ZBTB7C: variants seen among roughly 807,000 people sequenced by gnomAD.
ZBTB7C encodes the protein zinc finger and BTB domain containing 7C.
Under a neutral mutation model 25.7 loss-of-function variants are expected in ZBTB7C, and 8 were observed. That is an observed-to-expected ratio of 0.31 (90% CI 0.18 to 0.56). The LOEUF (loss-of-function observed/expected upper bound fraction) is 0.56. Among genes scored for constraint, ZBTB7C ranks in the 20% least tolerant of loss-of-function variants. The probability of loss-of-function intolerance (pLI) is 0.91; values close to 1 mark genes in which losing one functional copy is unlikely to be tolerated. For synonymous variants in ZBTB7C, 394 were observed against 369.0 expected, an observed-to-expected ratio of 1.07 and a Z score of -0.78; for missense variants, 824 against 855.2, an observed-to-expected ratio of 0.96 and a Z score of 0.46.
intron 3 of ZBTB7C, among the ~76,000 whole-genome samples, chr18:48,146,281 T>C (rs1454238494): frequency 6.6e-6 from 1 of 152,200 alleles, no homozygotes; most frequent in East Asian, 1.9e-4. Context: ...TGACTAATAA[T>C]TGTTTCCAAA....
chr18:48,259,277 T>A (rs1406608060), intron 2 of ZBTB7C, among the ~76,000 whole-genome samples: 5 of 149,700 alleles, frequency 3.3e-5, no homozygotes, highest in East Asian at 2.0e-4. Context: ...GACAAGAGTG[T>A]AAAAGCAATT....
intron 3 of ZBTB7C, among the ~76,000 whole-genome samples, chr18:48,057,041 A>G (rs894009317): frequency 2.7e-5 from 4 of 147,802 alleles, no homozygotes; most frequent in African/African-American, 7.6e-5. Flanking sequence ...AGTTTATTAG[A>G]AAAATTGTCA....
intron 1 of ZBTB7C, among the ~76,000 whole-genome samples, chr18:48,403,628 G>A (rs909571286): frequency 6.6e-6 from 1 of 152,192 alleles, no homozygotes; most frequent in Non-Finnish European, 1.5e-5. Flanking sequence ...CAAGGTGCCT[G>A]TTCTCAGGGA....
At chr18:48,190,944 G>C (rs754915806) in intron 2 of ZBTB7C, among the ~76,000 whole-genome samples, 6 of 152,214 alleles carry the variant, frequency 3.9e-5, no homozygotes, top group Non-Finnish European at 7.3e-5. Flanking sequence ...CACAAAATTG[G>C]TGTTGTTCTT....
At chr18:48,308,664 C>A (rs2045738507) in intron 2 of ZBTB7C, among the ~76,000 whole-genome samples, 1 of 152,352 alleles carries the variant, frequency 6.6e-6, no homozygotes, top group Non-Finnish European at 1.5e-5. Flanking sequence ...CATTTACTGT[C>A]AATGTCTGTA....
At chr18:48,131,172 G>A (rs2144773708) in intron 3 of ZBTB7C, among the ~76,000 whole-genome samples, 1 of 152,340 alleles carries the variant, frequency 6.6e-6, no homozygotes, top group East Asian at 1.9e-4. Flanking sequence ...CCAAAGTGCT[G>A]GGATTACAGG....
At chr18:48,383,606 G>A (rs1014489489) in intron 1 of ZBTB7C, among the ~76,000 whole-genome samples, 4 of 152,202 alleles carry the variant, frequency 2.6e-5, no homozygotes, top group African/African-American at 9.6e-5. Flanking sequence ...CTTAAGGATA[G>A]AAGAATATTT....
At chr18:48,200,447 A>C (rs528762519) in intron 2 of ZBTB7C, among the ~76,000 whole-genome samples, 2 of 152,160 alleles carry the variant, frequency 1.3e-5, no homozygotes, top group Non-Finnish European at 2.9e-5. Context: ...ACAGTGGTAT[A>C]TCACTGATAC....
intron 2 of ZBTB7C, among the ~76,000 whole-genome samples, chr18:48,287,464 G>A (rs1020787092): frequency 5.3e-5 from 8 of 151,986 alleles, no homozygotes; most frequent in Non-Finnish European, 1.0e-4. Context: ...AGGCCCAAAT[G>A]GTTTCACAGG....
intron 2 of ZBTB7C, among the ~76,000 whole-genome samples, chr18:48,275,072 GA>G (rs1182719555): frequency 1.3e-5 from 2 of 152,188 alleles, no homozygotes; most frequent in African/African-American, 2.4e-5. Context: ...CTTATTACTG[GA>G]AAAGAGTCAC....
intron 2 of ZBTB7C, among the ~76,000 whole-genome samples, chr18:48,267,905 T>C (rs74852327): frequency 0.026 from 3,958 of 152,310 alleles, 79 homozygotes; most frequent in Middle Eastern, 0.041. Flanking sequence ...CTAATGTCTT[T>C]TGTTGTTAAG....
chr18:48,340,517 C>T (rs1371618127), intron 1 of ZBTB7C, among the ~76,000 whole-genome samples: 3 of 152,198 alleles, frequency 2.0e-5, no homozygotes, highest in African/African-American at 7.2e-5. Flanking sequence ...CTGCTATGTG[C>T]AGAAGATGCC....
At chr18:48,382,889 C>T (rs2047664192) in intron 1 of ZBTB7C, among the ~76,000 whole-genome samples, 1 of 152,168 alleles carries the variant, frequency 6.6e-6, no homozygotes. Flanking sequence ...ATTCGTTTTC[C>T]CCTTCTATAC....
At chr18:48,108,287 C>G (rs2039106523) in intron 3 of ZBTB7C, among the ~76,000 whole-genome samples, 2 of 152,148 alleles carry the variant, frequency 1.3e-5, no homozygotes, top group Non-Finnish European at 2.9e-5. Context: ...CAGGGTCGAC[C>G]AAGAATGAGC....
chr18:48,344,645 G>A (rs868046286), intron 1 of ZBTB7C, among the ~76,000 whole-genome samples: 5 of 152,176 alleles, frequency 3.3e-5, no homozygotes, highest in Admixed American at 1.3e-4. Flanking sequence ...GTAGGAGAAC[G>A]CTTTATGAAA....
At chr18:48,217,456 C>T (rs1408830107) in intron 2 of ZBTB7C, among the ~76,000 whole-genome samples, 1 of 152,140 alleles carries the variant, frequency 6.6e-6, no homozygotes, top group African/African-American at 2.4e-5. Flanking sequence ...GGACGTAAGC[C>T]AGCCACCACC....
chr18:48,318,552 G>A (rs540563620), intron 2 of ZBTB7C, among the ~76,000 whole-genome samples: 4 of 152,200 alleles, frequency 2.6e-5, no homozygotes, highest in South Asian at 4.1e-4. Context: ...TGCGGCCCAC[G>A]TCCTCCCTCT....
chr18:48,374,386 A>T (rs1254550360), intron 1 of ZBTB7C: 1 of 152,098 alleles, frequency 6.6e-6, no homozygotes, highest in Non-Finnish European at 1.5e-5. Context: ...GAACAAAATG[A>T]CCCATCATCC....
In ZBTB7C at chr18:48,040,284, A is replaced by G. The variant is rs1382240766; in HGVS notation, c.824T>C (p.Met275Thr). The G allele has an allele frequency of 6.4e-7, 1 of 1,573,058 alleles. No individual in the cohort carries two copies. Among genetic ancestry groups the G allele is most frequent in the African/African-American group, 1.4e-5 (1 of 73,786 alleles). The change falls in exon 4 of 5, where the codon ATG becomes ACG. Residue 275 changes from methionine to threonine, a missense_variant. Met to Thr is a moderately conservative substitution (Grantham distance 81). This residue lies in a region of ZBTB7C where 316 missense variants were observed against 299.2 expected (regional missense o/e 1.06). Coordinates refer to ENST00000590800, the MANE Select transcript of ZBTB7C (RefSeq NM_001318841.2). Reference sequence around the variant, plus strand: ...GACCAGATCCAGTGGCCCACTGTCCATGGGCTGCTCAGGCAGCTGGGCAAA... The same window carrying G: ...GACCAGATCCAGTGGCCCACTGTCCGTGGGCTGCTCAGGCAGCTGGGCAAA... ...GAFAQLPEQP[M>T]DSGPLDLVIK... is the part of the protein sequence containing the mutation.
Sources: allele counts gnomAD v4.1 joint callset (sites outside exome capture counted in the v4.1 genomes callset), GRCh38; gene constraint gnomAD v4.1.1; regional missense constraint gnomAD v4.1.1; transcripts MANE v1.5; gene names NCBI Gene and HGNC (gene_info 2026-07-23, HGNC 2026-07-21).